GRIK2: variants seen among roughly 807,000 people sequenced by gnomAD.
GRIK2 encodes glutamate ionotropic receptor kainate type subunit 2, also known as glutamate receptor ionotropic, kainate 2.
In GRIK2, 32 loss-of-function variants were observed where a neutral mutation model predicts 100.3. The ratio of observed to expected loss-of-function variants is 0.32; its 90% CI spans 0.24 to 0.43. The LOEUF (loss-of-function observed/expected upper bound fraction) is 0.43, where lower values mean the gene tolerates loss of function less well. GRIK2 is among the 20% of genes least tolerant of loss of function. GRIK2 has a pLI of 1.00. For missense variants in GRIK2, 843 were observed against 1,114.9 expected (o/e 0.76, Z 3.47); for synonymous variants, 417 against 389.4 (o/e 1.07, Z -0.83).
chr6:101,498,491 A>C (rs1773570712), intron 2 of GRIK2, among the ~76,000 whole-genome samples: 4 of 150,920 alleles, frequency 2.7e-5, no homozygotes, highest in Admixed American at 2.6e-4. Flanking sequence ...CCAACAGTGT[A>C]AAAGTGTTCC....
rs1224999192 is a variant in GRIK2 at position 101,488,683 on chromosome 6, C to T, written c.115+89291C>T. ...GTTTCCTCATCTACAACAAATTGCT[C>T]AGCCCAAATTGTATCTAAATTATTT... is the stretch of plus-strand genomic sequence containing the variant. On this transcript the variant is annotated intron_variant, in intron 2 of 16. Coordinates refer to ENST00000369134, the MANE Select transcript of GRIK2 (RefSeq NM_021956.5). Among the ~76,000 whole-genome samples, 3 of 146,608 alleles carry T rather than the reference C, an allele frequency of 2.0e-5. 1 individual carries two copies. Among genetic ancestry groups the T allele is most frequent in the South Asian group, 2.1e-4 (1 of 4,654 alleles).
intron 7 of GRIK2, among the ~76,000 whole-genome samples, chr6:101,755,323 C>T (rs572493390): frequency 1.9e-4 from 29 of 152,000 alleles, no homozygotes; most frequent in Admixed American, 1.8e-3. Flanking sequence ...CCCGCCACCA[C>T]GCCCAGCTGA....
intron 9 of GRIK2, among the ~76,000 whole-genome samples, chr6:101,803,654 T>A (rs1780810801): frequency 6.6e-6 from 1 of 151,888 alleles, no homozygotes; most frequent in South Asian, 2.1e-4. Flanking sequence ...CTGGAGATGT[T>A]ATTACTTTAT....
At chr6:101,780,830 G>A (rs1326607750) in intron 7 of GRIK2, among the ~76,000 whole-genome samples, 2 of 152,134 alleles carry the variant, frequency 1.3e-5, no homozygotes, top group African/African-American at 4.8e-5. Flanking sequence ...AGATACACTA[G>A]GGCCTTTGCC....
At chr6:101,654,215 A>C (rs973844826) in intron 4 of GRIK2, among the ~76,000 whole-genome samples, 8 of 152,134 alleles carry the variant, frequency 5.3e-5, no homozygotes, top group Non-Finnish European at 1.2e-4. Context: ...CTGCTGCTCT[A>C]AAATCAAGGT....
chr6:101,956,446 T>C (rs1791941677), intron 14 of GRIK2, among the ~76,000 whole-genome samples: 1 of 152,092 alleles, frequency 6.6e-6, no homozygotes, highest in Non-Finnish European at 1.5e-5. Flanking sequence ...ATATATTGCG[T>C]AGTGGTGAAG....
intron 7 of GRIK2, among the ~76,000 whole-genome samples, chr6:101,728,859 G>C (rs1775058307): frequency 6.6e-6 from 1 of 152,160 alleles, no homozygotes; most frequent in Non-Finnish European, 1.5e-5. Flanking sequence ...TAAAAAGTAA[G>C]AGTCACTTAC....
chr6:101,480,594 CAA>C (rs1336333597), intron 2 of GRIK2, among the ~76,000 whole-genome samples: 4 of 152,226 alleles, frequency 2.6e-5, no homozygotes, highest in Non-Finnish European at 5.9e-5. Flanking sequence ...ATCTCCCAGA[CAA>C]AGAAAATTTC....
chr6:101,529,604 A>G (rs1319488637), intron 2 of GRIK2, among the ~76,000 whole-genome samples: 1 of 152,104 alleles, frequency 6.6e-6, no homozygotes, highest in East Asian at 1.9e-4. Flanking sequence ...TTTATTCTAC[A>G]AACAAGTTTT....
At chr6:101,601,448 C>T (rs1020760164) in intron 2 of GRIK2, among the ~76,000 whole-genome samples, 35 of 151,704 alleles carry the variant, frequency 2.3e-4, no homozygotes, top group Non-Finnish European at 4.6e-4. Flanking sequence ...GCTGGCTTCA[C>T]GGAATAAGTT....
At chr6:101,593,569 C>T (rs1356587706) in intron 2 of GRIK2, among the ~76,000 whole-genome samples, 12 of 151,820 alleles carry the variant, frequency 7.9e-5, no homozygotes, top group Non-Finnish European at 1.3e-4. Context: ...TAAACTTCTT[C>T]AAGCTACAGA....
At chr6:101,752,504 A>C (rs1053264003) in intron 7 of GRIK2, among the ~76,000 whole-genome samples, 2 of 152,190 alleles carry the variant, frequency 1.3e-5, no homozygotes, top group African/African-American at 4.8e-5. Flanking sequence ...AAAGCTGGAA[A>C]ATATTTTATT....
At chr6:101,861,274 C>T (rs1191907876) in intron 11 of GRIK2, among the ~76,000 whole-genome samples, 2 of 152,104 alleles carry the variant, frequency 1.3e-5, no homozygotes, top group Non-Finnish European at 2.9e-5. Flanking sequence ...CTTGTTCTGT[C>T]TTCTACTATA....
At chr6:101,741,725 G>A (rs1776042754) in intron 7 of GRIK2, among the ~76,000 whole-genome samples, 1 of 152,068 alleles carries the variant, frequency 6.6e-6, no homozygotes, top group South Asian at 2.1e-4. Context: ...GATAAGGGAT[G>A]TTCAGATAAG....
intron 12 of GRIK2, among the ~76,000 whole-genome samples, chr6:101,907,865 A>G (rs1394312981): frequency 6.6e-6 from 1 of 151,386 alleles, no homozygotes; most frequent in Non-Finnish European, 1.5e-5. Flanking sequence ...TTATTTCCTC[A>G]TTTATCCTTT....
intron 11 of GRIK2, among the ~76,000 whole-genome samples, chr6:101,865,738 A>T (rs1466461618): frequency 2.6e-5 from 4 of 151,828 alleles, no homozygotes; most frequent in African/African-American, 2.4e-5. Flanking sequence ...AATACAAAAA[A>T]GTTAGCTGGG....
intron 7 of GRIK2, among the ~76,000 whole-genome samples, chr6:101,741,617 AG>A (rs1230961423): frequency 6.6e-6 from 1 of 152,188 alleles, no homozygotes; most frequent in Non-Finnish European, 1.5e-5. Context: ...GATGCTAATG[AG>A]AATAGGAAGC....
At chr6:101,538,669 A>G (rs1775840410) in intron 2 of GRIK2, among the ~76,000 whole-genome samples, 1 of 151,162 alleles carries the variant, frequency 6.6e-6, no homozygotes, top group Non-Finnish European at 1.5e-5. Context: ...CTTGTCTGCT[A>G]TAGTGTGTCC....
At chr6:101,879,678 A>G (rs1251733462) in intron 11 of GRIK2, among the ~76,000 whole-genome samples, 3 of 147,272 alleles carry the variant, frequency 2.0e-5, no homozygotes, top group African/African-American at 7.5e-5. Context: ...ATCTCACTAC[A>G]TTTTTTTTTT....
Sources: gnomAD v4.1 joint callset for allele counts (sites outside exome capture counted in the v4.1 genomes callset) on GRCh38, gnomAD v4.1.1 for gene constraint, MANE v1.5 for transcripts, NCBI Gene and HGNC (gene_info 2026-07-23, HGNC 2026-07-21) for gene names.